Variants in SMIM24 observed in about 807,000 individuals in gnomAD.
SMIM24 encodes the protein small integral membrane protein 24, also known as MAP17-related dimer.
In SMIM24, 6 loss-of-function variants were observed where a neutral mutation model predicts 10.8. That is an observed-to-expected ratio of 0.55 (90% confidence interval 0.30 to 1.09). SMIM24 has a LOEUF of 1.09. Among genes scored for constraint, SMIM24 ranks in the 50% least tolerant of loss-of-function variants. SMIM24 has a pLI of 0.06. For synonymous variants in SMIM24, 71 were observed against 62.4 expected, an observed-to-expected ratio of 1.14 and a Z score of -0.65; for missense variants, 151 against 153.4, an observed-to-expected ratio of 0.98 and a Z score of 0.08.
chr19:3,478,545 G>C (rs1008713013), intron 2 of SMIM24, 67 bp from the exon 3 acceptor site: 5 of 1,401,906 alleles, frequency 3.6e-6, no homozygotes, highest in Non-Finnish European at 3.9e-6. Context: ...AGGGAAGGAA[G>C]CGGTGTGACA....
rs1031333611 is a variant in SMIM24, at chr19:3,475,069, C to G, written c.240-73G>C. 1.4e-5 allele frequency: 21 copies of G among 1,477,170 alleles called. 1 individual carries two copies. In the Admixed American group the frequency reaches 4.6e-4, roughly 32 times the overall value. The allele number at this position is 1,477,170 out of a possible 1,614,324, so 91.5% of individuals were successfully genotyped here. On this transcript the variant is annotated intron_variant, in intron 3 of 3. Transcript: ENST00000215531. ...CCTATTTAATGGCCACTCACTTGAG[C>G]CAGCCCATGTGATGAGTATTTTACA...
intron 3 of SMIM24, among the ~76,000 whole-genome samples, chr19:3,475,445 G>A (rs2122016653): frequency 6.6e-6 from 1 of 152,166 alleles, no homozygotes; most frequent in South Asian, 2.1e-4. Context: ...TGGGTGGATA[G>A]TGGGTGGGTG....
At chr19:3,476,409 G>T (rs895537589) in intron 3 of SMIM24, among the ~76,000 whole-genome samples, 2 of 151,906 alleles carry the variant, frequency 1.3e-5, no homozygotes, top group African/African-American at 4.8e-5. Context: ...CTGATGGATG[G>T]GTGGTTGGAG....
chr19:3,478,748 C>T, intron 2 of SMIM24, 70 bp downstream of exon 2: 1 of 1,232,828 alleles, frequency 8.1e-7, no homozygotes, highest in South Asian at 1.4e-5. Flanking sequence ...GATGGGGGTA[C>T]CAGAGAGGGT....
At position 3,474,791 on chromosome 19, in the gene SMIM24, G is replaced by T. The variant is rs1240794539; in HGVS notation, c.*52C>A. ...TCAAGTCCAGGGCACTGCTTTTAGGGGGCAGAAGAGGCATCTCTGGGGGAC... is the reference window on the plus strand; with the variant it reads ...TCAAGTCCAGGGCACTGCTTTTAGGTGGCAGAAGAGGCATCTCTGGGGGAC... On this transcript the variant is annotated 3_prime_UTR_variant, in exon 4 of 4. Coordinates refer to ENST00000215531, the MANE Select transcript of SMIM24 (RefSeq NM_001136503.2). 3.9e-6 allele frequency: 6 copies of T among 1,534,022 alleles called. No individual in the cohort carries two copies. The South Asian group carries it at 4.9e-5, about 12-fold the overall frequency.
intron 3 of SMIM24, among the ~76,000 whole-genome samples, chr19:3,477,063 C>T (rs1404110318): frequency 5.9e-5 from 5 of 84,346 alleles, no homozygotes; most frequent in African/African-American, 2.1e-4. Context: ...ATGGATAGGT[C>T]GGGGGGTGGG....
In SMIM24 at chr19:3,478,450, T is replaced by C. The variant is rs556308017; in HGVS notation, c.208A>G (p.Arg70Gly). The change falls in exon 3 of 4, where the codon AGA becomes GGA. Residue 70 changes from arginine to glycine, a missense_variant. Transcript: ENST00000215531. The part of the protein sequence containing the change: ...RAEDEEETTF[R>G]MESNLYQDQS... ...TCCTGGTATAGGTTGGACTCCATTC[T>C]GAACGTGGTCTCCTCCTCGTCCTCA... 31 of 1,549,452 alleles carry C rather than the reference T, an allele frequency of 2.0e-5. No homozygotes were observed. In the African/African-American group the frequency reaches 3.6e-4, roughly 18 times the overall value.
chr19:3,477,302 G>A (rs961342026), intron 3 of SMIM24, among the ~76,000 whole-genome samples: 1 of 143,716 alleles, frequency 7.0e-6, no homozygotes, highest in African/African-American at 2.6e-5. Flanking sequence ...ATGGATGGAT[G>A]GATGATAGAC....
At chr19:3,480,361 AT>A in intron 1 of SMIM24, 35 bp downstream of exon 1, 2 of 1,285,502 alleles carry the variant, frequency 1.6e-6, no homozygotes, top group Non-Finnish European at 2.1e-6. Context: ...CAACTCCCCT[AT>A]CCCGCGACGC....
At chr19:3,479,025 G>A (rs920828998) in intron 1 of SMIM24, 96 bp from the exon 2 acceptor site, 2 of 977,816 alleles carry the variant, frequency 2.0e-6, no homozygotes, top group East Asian at 2.7e-5. Flanking sequence ...AGGTCACTGG[G>A]GGTGCTCCGA....
At chr19:3,479,922 G>A (rs1354835297) in intron 1 of SMIM24, among the ~76,000 whole-genome samples, 1 of 135,296 alleles carries the variant, frequency 7.4e-6, no homozygotes, top group African/African-American at 2.8e-5. Context: ...GGGCTCAGAG[G>A]GAGAGGGGCT....
Position 3,474,960 on chromosome 19 carries a change from T to C in SMIM24, c.276A>G (p.Lys92=). ...TTTTCTCCTTCTTCCTCTTCTCTTC[T>C]TTCTCCTTGGCCTCTTTCTTCTCTC... is the stretch of plus-strand genomic sequence containing the variant. The part of the protein sequence containing the change: ...DKREKKEAKE[K]EEKRKKEKKT... The change falls in exon 4 of 4, where the codon AAA becomes AAG. Residue 92 remains lysine (K), a synonymous_variant. Coordinates refer to ENST00000215531, the MANE Select transcript of SMIM24 (RefSeq NM_001136503.2). The C allele has an allele frequency of 6.4e-7, 1 of 1,551,622 alleles. No individual in the cohort carries two copies. The highest frequency in any genetic ancestry group is 8.7e-7 in the Non-Finnish European group (1 of 1,147,008).
intron 3 of SMIM24, among the ~76,000 whole-genome samples, chr19:3,476,188 A>C (rs949235068): frequency 6.6e-6 from 1 of 151,884 alleles, no homozygotes; most frequent in Non-Finnish European, 1.5e-5. Flanking sequence ...TGAATGGATG[A>C]ATTGGAGGAA....
At chr19:3,477,571 GTGAATGGGTGA>G (rs1362447506) in intron 3 of SMIM24, among the ~76,000 whole-genome samples, 1 of 146,052 alleles carries the variant, frequency 6.8e-6, no homozygotes, top group African/African-American at 2.5e-5. Context: ...GGGTGAGTGG[GTGAATGGGTGA>G]TGGATGGGTG....
At position 3,474,683 on chromosome 19, in the gene SMIM24, A is replaced by G. The variant is rs58053658; in HGVS notation, c.*160T>C. 16,401 of 870,588 alleles carry G rather than the reference A, an allele frequency of 0.019. 1,654 individuals are homozygous for G. The African/African-American group carries it at 0.23, about 12-fold the overall frequency. The allele number at this position is 870,588 out of a possible 1,614,324, so 53.9% of individuals were successfully genotyped here. On this transcript the variant is annotated 3_prime_UTR_variant, in exon 4 of 4. Coordinates refer to ENST00000215531, the MANE Select transcript of SMIM24 (RefSeq NM_001136503.2). ...ACCATGTTTGCCCAGAGAGCCCCCA[A>G]TGAGGGAGGTGGGGTGGGTTCCAAG...
intron 3 of SMIM24, among the ~76,000 whole-genome samples, chr19:3,477,363 G>A (rs1244421840): frequency 1.3e-5 from 2 of 149,444 alleles, no homozygotes; most frequent in African/African-American, 4.9e-5. Context: ...GTGATGGGTG[G>A]ATGGGTGATG....
At chr19:3,478,344 G>A (rs1426525172) in intron 3 of SMIM24, 75 bp downstream of exon 3, 1 of 1,364,878 alleles carries the variant, frequency 7.3e-7, no homozygotes, top group Non-Finnish European at 1.0e-6. Context: ...AGGACAGCAA[G>A]GTCATCTGCG....
At chr19:3,479,476 G>C (rs1274823505) in intron 1 of SMIM24, among the ~76,000 whole-genome samples, 6 of 151,148 alleles carry the variant, frequency 4.0e-5, no homozygotes, top group Non-Finnish European at 7.4e-5. Context: ...GGCTTAGAGG[G>C]AGGGGCTTAT....
Position 3,478,588 on chromosome 19 carries a change from G to A in SMIM24, c.180-110C>T, listed in dbSNP as rs1599751039. 14 of 1,099,226 alleles carry A rather than the reference G, an allele frequency of 1.3e-5. No individual in the cohort carries two copies. The East Asian group carries it at 3.4e-4, about 27-fold the overall frequency. The allele number at this position is 1,099,226 out of a possible 1,614,324, so 68.1% of individuals were successfully genotyped here. A position where few individuals can be genotyped will look rare whatever the true frequency, so the allele number is the denominator to read the frequency against. On this transcript the variant is annotated intron_variant, in intron 2 of 3. Transcript: ENST00000215531. ...CCTCTGTCCCAACCTCCCAGCCGGG[G>A]CTCATGAACCCCAGGACGCAAGGAA... is the stretch of plus-strand genomic sequence containing the variant.
Sources: allele counts gnomAD v4.1 joint callset (sites outside exome capture counted in the v4.1 genomes callset), GRCh38; gene constraint gnomAD v4.1.1; transcripts MANE v1.5; gene names NCBI Gene and HGNC (gene_info 2026-07-23, HGNC 2026-07-21).